CYP4Z1: variants seen among roughly 807,000 people sequenced by gnomAD.
CYP4Z1 encodes cytochrome P450 family 4 subfamily Z member 1.
A neutral mutation model predicts 54.2 loss-of-function variants in CYP4Z1; 41 were observed. The ratio of observed to expected loss-of-function variants is 0.76; its 90% CI spans 0.59 to 0.98. The LOEUF (loss-of-function observed/expected upper bound fraction) is 0.98. CYP4Z1 is among the 50% of genes least tolerant of loss of function. The probability of loss-of-function intolerance (pLI) is 0.00; values close to 1 mark genes in which losing one functional copy is unlikely to be tolerated. For synonymous variants in CYP4Z1, 163 were observed against 206.2 expected, an observed-to-expected ratio of 0.79 and a Z score of 1.79; for missense variants, 513 against 599.0, an observed-to-expected ratio of 0.86 and a Z score of 1.50.
At chr1:47,111,731 C>A (rs1475020810) in intron 9 of CYP4Z1, among the ~76,000 whole-genome samples, 2 of 152,058 alleles carry the variant, frequency 1.3e-5, no homozygotes. Flanking sequence ...GTATACTAGA[C>A]CACAATAAAA....
At chr1:47,061,660 G>T in the CYP4Z1 span, among the ~76,000 whole-genome samples, 2 of 152,144 alleles carry the variant, frequency 1.3e-5, no homozygotes, top group African/African-American at 2.4e-5. Flanking sequence ...GAGAAGGAGG[G>T]ACTCTGCTCT....
At chr1:47,115,670 G>A in intron 10 of CYP4Z1, 77 bp downstream of exon 10, 6 of 1,327,080 alleles carry the variant, frequency 4.5e-6, no homozygotes, top group Non-Finnish European at 6.4e-6. Context: ...ACAGTTGAGA[G>A]AGCAGTTAGG....
chr1:47,114,701 A>G (rs1219559089), intron 9 of CYP4Z1, among the ~76,000 whole-genome samples: 1 of 152,252 alleles, frequency 6.6e-6, no homozygotes, highest in African/African-American at 2.4e-5. Flanking sequence ...AAAAATGCTC[A>G]TCATCACTGG....
At chr1:47,067,860 A>G (rs1425396042) in intron 1 of CYP4Z1, among the ~76,000 whole-genome samples, 193 bp downstream of exon 1, 4 of 152,220 alleles carry the variant, frequency 2.6e-5, no homozygotes, top group Admixed American at 2.6e-4. Context: ...AAGAAAACTG[A>G]AGCCTAAAAT....
chr1:47,095,045 C>T (rs1569733590), intron 7 of CYP4Z1, among the ~76,000 whole-genome samples: 1 of 151,102 alleles, frequency 6.6e-6, no homozygotes, highest in Non-Finnish European at 1.5e-5. Context: ...ACATATTGAA[C>T]TTCCCTTGTG....
intron 11 of CYP4Z1, 134 bp downstream of exon 11, chr1:47,116,866 G>A (rs1644834070): frequency 9.5e-6 from 6 of 633,010 alleles, no homozygotes; most frequent in East Asian, 2.9e-5. Flanking sequence ...GTCTTCTCTT[G>A]TGACCAGTGC....
upstream of CYP4Z1, among the ~76,000 whole-genome samples, chr1:47,064,764 A>G (rs1644441212): frequency 6.6e-6 from 1 of 152,214 alleles, no homozygotes; most frequent in Non-Finnish European, 1.5e-5. Context: ...AGCAGAATGG[A>G]TAAGAAATTA....
chr1:47,114,372 G>A (rs1248720929), intron 9 of CYP4Z1, among the ~76,000 whole-genome samples: 1 of 152,084 alleles, frequency 6.6e-6, no homozygotes, highest in African/African-American at 2.4e-5. Context: ...TACCATTCAG[G>A]ACATAGGCAT....
upstream of CYP4Z1, among the ~76,000 whole-genome samples, chr1:47,066,994 AAT>A (rs572788218): frequency 4.6e-5 from 7 of 152,156 alleles, no homozygotes; most frequent in Non-Finnish European, 1.0e-4. Flanking sequence ...GGATTTTGAT[AAT>A]CAGGGAAGCT....
chr1:47,103,756 A>G (rs544605239), intron 8 of CYP4Z1, among the ~76,000 whole-genome samples: 1 of 151,614 alleles, frequency 6.6e-6, no homozygotes, highest in South Asian at 2.1e-4. Flanking sequence ...CACCACAACC[A>G]GCTAAGTTTT....
chr1:47,115,395 A>T (rs942618685), intron 9 of CYP4Z1, 134 bp from the exon 10 acceptor site: 1 of 729,308 alleles, frequency 1.4e-6, no homozygotes. Flanking sequence ...ATGTATACAT[A>T]TGTAACAAAC....
At chr1:47,103,922 T>C (rs1430323187) in intron 8 of CYP4Z1, among the ~76,000 whole-genome samples, 1 of 152,162 alleles carries the variant, frequency 6.6e-6, no homozygotes, top group Non-Finnish European at 1.5e-5. Context: ...TTAGTGTCAA[T>C]ATTTTGAATT....
chr1:47,089,091 CCTT>C (rs1181176205), intron 6 of CYP4Z1, among the ~76,000 whole-genome samples: 53 of 147,818 alleles, frequency 3.6e-4, no homozygotes, highest in African/African-American at 1.2e-3. Flanking sequence ...GATTTTTATC[CCTT>C]CTTTTATTAA....
At chr1:47,086,090 T>C (rs1430981162) in intron 6 of CYP4Z1, among the ~76,000 whole-genome samples, 2 of 152,110 alleles carry the variant, frequency 1.3e-5, no homozygotes, top group Admixed American at 6.5e-5. Flanking sequence ...ATCCAGTCTA[T>C]CATTGTTGGA....
At chr1:47,099,862 C>G (rs1336149590) in intron 8 of CYP4Z1, among the ~76,000 whole-genome samples, 2 of 152,184 alleles carry the variant, frequency 1.3e-5, no homozygotes, top group Admixed American at 1.3e-4. Context: ...GTACAGGGAA[C>G]AGATGTATAG....
rs1465878411 is a variant in CYP4Z1 at position 47,091,167 on chromosome 1, A to G, written c.773-3399A>G. 1.4e-5 allele frequency among the ~76,000 whole-genome samples: 2 copies of G among 138,330 alleles called. 1 individual carries two copies. Among genetic ancestry groups the G allele is most frequent in the Non-Finnish European group, 3.0e-5 (2 of 66,502 alleles). The allele number at this position is 138,330 out of a possible 152,430, so 90.7% of individuals were successfully genotyped here. A position where few individuals can be genotyped will look rare whatever the true frequency, so the allele number is the denominator to read the frequency against. Reference sequence around the variant, plus strand: ...ACTGTAACCATCCTGAGAACTGAAAAGTATGCCCTTGAGAAGTGGCCTATT... The same window carrying G: ...ACTGTAACCATCCTGAGAACTGAAAGGTATGCCCTTGAGAAGTGGCCTATT... On this transcript the variant is annotated intron_variant, in intron 6 of 11. Transcript: ENST00000334194.
chr1:47,117,766 G>A lies in CYP4Z1; in HGVS notation c.1350G>A (p.Arg450=), dbSNP rs1229976684. ...ATGTTTTCTTTCTTGGTATCCCCAG[G>A]AACTGCATTGGGCAGCATTTTGCCA... The part of the protein sequence containing the change: ...YAFIPFSAGL[R]NCIGQHFAII... The change falls in exon 12 of 12, where the codon AGG becomes AGA. Residue 450 remains arginine (R), a splice_region_variant and synonymous_variant. Coordinates refer to ENST00000334194, the MANE Select transcript of CYP4Z1 (RefSeq NM_178134.3). The A allele has an allele frequency of 6.2e-7, 1 of 1,609,766 alleles. No individual in the cohort carries two copies. The highest frequency in any genetic ancestry group is 1.3e-5 in the African/African-American group (1 of 74,704).
chr1:47,088,801 T>TA (rs774359118), intron 6 of CYP4Z1, among the ~76,000 whole-genome samples: 8 of 130,584 alleles, frequency 6.1e-5, no homozygotes, highest in Non-Finnish European at 1.3e-4. Context: ...ATTTTTTTTT[T>TA]ACTAGAGGCA....
In CYP4Z1 at chr1:47,106,069, T is replaced by C. The variant is rs530913149; in HGVS notation, c.1068-59T>C. 8.4e-5 allele frequency: 130 copies of C among 1,552,386 alleles called. 1 individual carries two copies. The East Asian group carries it at 1.9e-3, about 23-fold the overall frequency. On this transcript the variant is annotated intron_variant, in intron 8 of 11. Coordinates refer to ENST00000334194, the MANE Select transcript of CYP4Z1 (RefSeq NM_178134.3). Reference sequence around the variant, plus strand: ...ACAAAAATGGAGAAAAGCTGGGCTTTCAGTGCAATGCCTAAGTGACTACTC... The same window carrying C: ...ACAAAAATGGAGAAAAGCTGGGCTTCCAGTGCAATGCCTAAGTGACTACTC...
Sources: allele counts gnomAD v4.1 joint callset (sites outside exome capture counted in the v4.1 genomes callset), GRCh38; gene constraint gnomAD v4.1.1; transcripts MANE v1.5; gene names NCBI Gene and HGNC (gene_info 2026-07-23, HGNC 2026-07-21).